The following FERRY3 variants were observed in gnomAD, a reference collection of about 807,000 sequenced individuals.
FERRY3 encodes FERRY endosomal RAB5 effector complex subunit 3.
At chr12:4,500,412 T>A in the FERRY3 span, 1 of 1,349,590 alleles carries the variant, frequency 7.4e-7, no homozygotes, top group Non-Finnish European at 1.0e-6. Flanking sequence ...GCTTTATAAG[T>A]AAGTGTAATG....
the FERRY3 span, among the ~76,000 whole-genome samples, chr12:4,512,419 C>T: frequency 6.6e-6 from 1 of 152,262 alleles, no homozygotes; most frequent in Admixed American, 6.5e-5. Context: ...ATACCAAAGC[C>T]AGGCAGAGAC....
At chr12:4,537,810 T>A in the FERRY3 span, among the ~76,000 whole-genome samples, 1 of 152,210 alleles carries the variant, frequency 6.6e-6, no homozygotes, top group Non-Finnish European at 1.5e-5. Flanking sequence ...GTATATTCTA[T>A]GATGTAGAAA....
At chr12:4,491,656 C>G in the FERRY3 span, among the ~76,000 whole-genome samples, 1 of 152,096 alleles carries the variant, frequency 6.6e-6, no homozygotes, top group Non-Finnish European at 1.5e-5. Context: ...CCCATCCCAG[C>G]CACCTAACAA....
the FERRY3 span, among the ~76,000 whole-genome samples, chr12:4,507,738 T>C: frequency 6.6e-6 from 1 of 152,186 alleles, no homozygotes; most frequent in Non-Finnish European, 1.5e-5. Context: ...GGATGGTCTT[T>C]ATGGACTGAT....
At chr12:4,536,205 A>T in the FERRY3 span, 1 of 1,545,584 alleles carries the variant, frequency 6.5e-7, no homozygotes, top group Non-Finnish European at 8.8e-7. Flanking sequence ...ATTCTTTGAC[A>T]GGATTTCTAC....
At chr12:4,494,356 G>A in the FERRY3 span, among the ~76,000 whole-genome samples, 3 of 151,980 alleles carry the variant, frequency 2.0e-5, no homozygotes, top group Admixed American at 6.6e-5. Context: ...AATTTATTAC[G>A]TTCGTCTTTT....
At chr12:4,505,312 A>T in the FERRY3 span, 1 of 1,593,028 alleles carries the variant, frequency 6.3e-7, no homozygotes, top group Non-Finnish European at 8.6e-7. Context: ...TTACCAGGTA[A>T]AACATTTAAA....
chr12:4,523,095 C>G, the FERRY3 span, among the ~76,000 whole-genome samples: 1 of 152,014 alleles, frequency 6.6e-6, no homozygotes, highest in African/African-American at 2.4e-5. Flanking sequence ...TAATTTATTC[C>G]TCAACTGACC....
At chr12:4,533,284 AAAAC>A in the FERRY3 span, among the ~76,000 whole-genome samples, 21 of 152,302 alleles carry the variant, frequency 1.4e-4, no homozygotes, top group South Asian at 8.3e-4. Context: ...GCCGCCTTAA[AAAAC>A]AAACAAACAA....
the FERRY3 span, among the ~76,000 whole-genome samples, chr12:4,495,333 C>A: frequency 6.6e-6 from 1 of 152,050 alleles, no homozygotes; most frequent in Non-Finnish European, 1.5e-5. Flanking sequence ...TGATAGTAAT[C>A]AGAATCAAGG....
At chr12:4,505,255 A>G in the FERRY3 span, 3 of 1,192,714 alleles carry the variant, frequency 2.5e-6, no homozygotes, top group Non-Finnish European at 3.7e-6. Flanking sequence ...GCATTATAAA[A>G]CATCTTTTGG....
chr12:4,532,085 ATTT>A, the FERRY3 span, among the ~76,000 whole-genome samples: 22 of 135,486 alleles, frequency 1.6e-4, no homozygotes, highest in Admixed American at 2.2e-4. Context: ...TAAATTGTGA[ATTT>A]TTTTTTTTTT....
At chr12:4,497,509 AAG>A in the FERRY3 span, among the ~76,000 whole-genome samples, 1 of 152,216 alleles carries the variant, frequency 6.6e-6, no homozygotes, top group African/African-American at 2.4e-5. Flanking sequence ...TACTCCAATA[AAG>A]AAGTTAAAAA....
At chr12:4,492,419 T>C in the FERRY3 span, among the ~76,000 whole-genome samples, 1 of 152,312 alleles carries the variant, frequency 6.6e-6, no homozygotes, top group Non-Finnish European at 1.5e-5. Flanking sequence ...AATAATGTCT[T>C]CCTTACCAAC....
At chr12:4,511,227 C>A in the FERRY3 span, among the ~76,000 whole-genome samples, 5 of 151,806 alleles carry the variant, frequency 3.3e-5, 1 homozygote, top group African/African-American at 1.2e-4. Flanking sequence ...CAGGAGCACC[C>A]AGATTCATAA....
At chr12:4,500,064 A>G in the FERRY3 span, 5 of 1,370,078 alleles carry the variant, frequency 3.6e-6, no homozygotes, top group East Asian at 2.4e-5. Flanking sequence ...GTGGATTATT[A>G]TATAATATTG....
chr12:4,536,318 T>C, the FERRY3 span: 1 of 608,198 alleles, frequency 1.6e-6, no homozygotes, highest in Non-Finnish European at 2.5e-6. Flanking sequence ...AGAGATTTTG[T>C]CTATGAGCCA....
chr12:4,514,879 AAAGTAT>A, the FERRY3 span, among the ~76,000 whole-genome samples: 1 of 152,132 alleles, frequency 6.6e-6, no homozygotes, highest in African/African-American at 2.4e-5. Flanking sequence ...CCTAAAACTT[AAAGTAT>A]AATAAAATAA....
At chr12:4,509,503 A>G in the FERRY3 span, among the ~76,000 whole-genome samples, 2 of 150,292 alleles carry the variant, frequency 1.3e-5, no homozygotes, top group Admixed American at 1.3e-4. Context: ...TCCCTGTCTG[A>G]CAGCTTTGAA....
Sources: allele counts gnomAD v4.1 joint callset (sites outside exome capture counted in the v4.1 genomes callset), GRCh38; gene constraint gnomAD v4.1.1; transcripts MANE v1.5; gene names NCBI Gene and HGNC (gene_info 2026-07-23, HGNC 2026-07-21).